Variants in HIVEP3 observed in about 807,000 individuals in gnomAD.
HIVEP3 encodes the protein transcription factor HIVEP3.
In HIVEP3, 49 loss-of-function variants were observed where a neutral mutation model predicts 152.8. The ratio of observed to expected loss-of-function variants is 0.32; its 90% CI spans 0.26 to 0.41. The LOEUF (loss-of-function observed/expected upper bound fraction) is 0.41. Among genes scored for constraint, HIVEP3 ranks in the 10% least tolerant of loss-of-function variants. HIVEP3 has a pLI of 1.00. For missense variants in HIVEP3, 2,790 were observed against 3,103.3 expected, an observed-to-expected ratio of 0.90 and a Z score of 2.40; for synonymous variants, 1,269 against 1,289.0, an observed-to-expected ratio of 0.98 and a Z score of 0.33.
intron 6 of HIVEP3, among the ~76,000 whole-genome samples, chr1:41,523,460 G>T (rs1215287846): frequency 6.6e-6 from 1 of 152,114 alleles, no homozygotes; most frequent in Non-Finnish European, 1.5e-5. Context: ...GCAGATGATG[G>T]CGAGGGGACA....
rs767780667 is a variant in HIVEP3, at chr1:41,511,021, G to A, written c.6651C>T (p.Pro2217=). 134 of 1,613,432 alleles carry A rather than the reference G, an allele frequency of 8.3e-5. No homozygotes were observed. The highest frequency in any genetic ancestry group is 1.1e-4 in the Non-Finnish European group (131 of 1,179,726). The part of the protein sequence containing the change: ...PGAHPTLLPG[P]TAAWVSGFSG... Reference sequence around the variant, plus strand: ...AGAAGCCACTGACCCAGGCTGCGGTGGGCCCTGGCAGCAGGGTGGGGTGGG... The same window carrying A: ...AGAAGCCACTGACCCAGGCTGCGGTAGGCCCTGGCAGCAGGGTGGGGTGGG... The change falls in exon 9 of 9, where the codon CCC becomes CCT. Residue 2217 remains proline, a synonymous_variant. Coordinates refer to ENST00000372583, the MANE Select transcript of HIVEP3 (RefSeq NM_024503.5). This position sits in a 1 kb window ranked among gnomAD's most constrained non-coding sequence, Gnocchi z 4.9.
At position 41,582,898 on chromosome 1, in the gene HIVEP3, T is replaced by C. The variant is rs1644438018; in HGVS notation, c.1900A>G (p.Lys634Glu). The C allele has an allele frequency of 6.2e-7, 1 of 1,614,046 alleles. No individual in the cohort carries two copies. The highest frequency in any genetic ancestry group is 1.1e-5 in the South Asian group (1 of 91,088). Residue 634 changes from lysine to glutamate, a missense_variant, in exon 4 of 9, where the codon AAG becomes GAG. Physicochemically the swap from Lys to Glu is moderately conservative, Grantham distance 56 (BLOSUM62 1). Transcript: ENST00000372583. The surrounding 1 kb of genome is among the most constrained non-coding windows in gnomAD (Gnocchi z 4.7). ...ATCACCCCTTTTGTTTTCAAACCCT[T>C]CTTGGTCTTTTTGGTAAGCTCGCTT... ...KESELTKKTK[K>E]GLKTKGVIYE...
intron 1 of HIVEP3, among the ~76,000 whole-genome samples, chr1:41,927,266 A>G (rs1300004241): frequency 2.6e-5 from 4 of 152,084 alleles, no homozygotes; most frequent in South Asian, 2.1e-4. Flanking sequence ...GAGCCACCCA[A>G]TCCTGCACTG....
chr1:41,704,324 A>G (rs949071003), intron 1 of HIVEP3, among the ~76,000 whole-genome samples: 1 of 152,248 alleles, frequency 6.6e-6, no homozygotes, highest in African/African-American at 2.4e-5. Context: ...AAAGGCTGCT[A>G]TGAAAAGGCA....
intron 2 of HIVEP3, among the ~76,000 whole-genome samples, chr1:41,632,413 A>G (rs1645208463): frequency 6.6e-6 from 1 of 152,182 alleles, no homozygotes; most frequent in Admixed American, 6.5e-5. Context: ...GAGAAAAAAG[A>G]AAGAGGATAT....
intron 1 of HIVEP3, among the ~76,000 whole-genome samples, chr1:41,781,300 A>C (rs1019244417): frequency 1.3e-5 from 2 of 152,170 alleles, no homozygotes; most frequent in African/African-American, 4.8e-5. Flanking sequence ...CCATGTTAGA[A>C]GCCTCAGAGT....
In HIVEP3 at chr1:41,929,724, TTTTATATA is replaced by T. The variant is rs1443506610; in HGVS notation, n.120-11208_120-11201del. ...TATGTGTGAGTGTGTGTATATGTGTTTTTATATATATATATATATATATATATATGTTT... is the reference window on the plus strand; with the variant it reads ...TATGTGTGAGTGTGTGTATATGTGTTTATATATATATATATATATATGTTT... On this transcript the variant is annotated intron_variant and non_coding_transcript_variant, in intron 1 of 3. Transcript: ENST00000489103. 7.5e-3 allele frequency among the ~76,000 whole-genome samples: 228 copies of T among 30,592 alleles called. 5 individuals carry two copies. The highest frequency in any genetic ancestry group is 0.017 in the Non-Finnish European group (128 of 7,678). 20.1% of individuals were successfully genotyped at this position (30,592 alleles called of 152,430 possible). A position where few individuals can be genotyped will look rare whatever the true frequency, so the allele number is the denominator to read the frequency against.
chr1:41,593,672 T>C (rs1021472860), intron 3 of HIVEP3, among the ~76,000 whole-genome samples: 1 of 152,252 alleles, frequency 6.6e-6, no homozygotes, highest in Non-Finnish European at 1.5e-5. Flanking sequence ...ATCTGGAATA[T>C]AAACTGTCTC....
intron 1 of HIVEP3, among the ~76,000 whole-genome samples, chr1:41,851,201 C>G (rs1257136043): frequency 6.6e-6 from 1 of 150,858 alleles, no homozygotes; most frequent in African/African-American, 2.4e-5. Flanking sequence ...TAGAACAGTG[C>G]TTGGGACACA....
intron 1 of HIVEP3, among the ~76,000 whole-genome samples, chr1:41,742,256 A>G (rs916867215): frequency 3.3e-5 from 5 of 152,072 alleles, no homozygotes; most frequent in African/African-American, 1.2e-4. Context: ...CCATCTGTCC[A>G]TTATTCCATC....
Position 41,700,974 on chromosome 1 carries a change from G to A in HIVEP3, c.-779C>T, listed in dbSNP as rs1369897860. ...ATGTGTCAGAGATTTCTAGAGCTTG[G>A]AGAACTGTGTTGGAGGGAGGCCTGT... On this transcript the variant is annotated 5_prime_UTR_variant, in exon 2 of 9. Transcript: ENST00000372583. 8 of 985,256 alleles carry A rather than the reference G, an allele frequency of 8.1e-6. No individual in the cohort carries two copies. The highest frequency in any genetic ancestry group is 1.1e-4 in the East Asian group (1 of 8,830). 61.0% of individuals were successfully genotyped at this position (985,256 alleles called of 1,614,324 possible). A position where few individuals can be genotyped will look rare whatever the true frequency, so the allele number is the denominator to read the frequency against.
rs770786148 is a variant in HIVEP3, at chr1:41,581,642, G to A, written c.3156C>T (p.Ser1052=). 3 of 1,614,174 alleles carry A rather than the reference G, an allele frequency of 1.9e-6. No homozygotes were observed. Among genetic ancestry groups the A allele is most frequent in the South Asian group, 2.2e-5 (2 of 91,082 alleles). The change falls in exon 4 of 9, where the codon AGC becomes AGT. Residue 1052 remains serine, a synonymous_variant. Coordinates refer to ENST00000372583, the MANE Select transcript of HIVEP3 (RefSeq NM_024503.5). This position sits in a 1 kb window ranked among gnomAD's most constrained non-coding sequence, Gnocchi z 4.5. ...CCTCCAACTCAGATTCTGGAGGCCT[G>A]CTCAGAGAGGCCTGTCTCACCAAGA... ...KCFLVRQASL[S]RPPESELEVA...
intron 5 of HIVEP3, among the ~76,000 whole-genome samples, chr1:41,527,319 TG>T (rs1451761600): frequency 6.3e-5 from 3 of 47,898 alleles, no homozygotes; most frequent in Non-Finnish European, 1.4e-4. Context: ...TTCACACCCC[TG>T]CACTCACACA....
intron 5 of HIVEP3, among the ~76,000 whole-genome samples, chr1:41,540,191 G>A (rs755841587): frequency 3.9e-5 from 6 of 152,236 alleles, no homozygotes; most frequent in African/African-American, 7.2e-5. Flanking sequence ...GACACTATGC[G>A]TACACCAGGT....
At chr1:41,867,534 C>T (rs562378358) in intron 1 of HIVEP3, among the ~76,000 whole-genome samples, 201 of 152,266 alleles carry the variant, frequency 1.3e-3, no homozygotes, top group African/African-American at 4.4e-3. Flanking sequence ...TCCAGCTGCA[C>T]GTGGCACCTG....
upstream of HIVEP3, among the ~76,000 whole-genome samples, chr1:41,923,685 T>A (rs534243413): frequency 7.2e-5 from 11 of 152,332 alleles, no homozygotes; most frequent in African/African-American, 2.6e-4. Flanking sequence ...TATGAGGTGA[T>A]TAATATGCTA....
chr1:42,035,514 G>C (rs1011631576), intron 1 of HIVEP3, among the ~76,000 whole-genome samples: 6 of 152,218 alleles, frequency 3.9e-5, no homozygotes, highest in African/African-American at 1.4e-4. Flanking sequence ...GTGGGGCCCG[G>C]GCTGAGGAGG....
intron 3 of HIVEP3, among the ~76,000 whole-genome samples, chr1:41,609,644 T>G (rs991237935): frequency 6.6e-6 from 1 of 152,258 alleles, no homozygotes; most frequent in African/African-American, 2.4e-5. Flanking sequence ...CCCACTAGTT[T>G]AGGCCCCACG....
intron 1 of HIVEP3, among the ~76,000 whole-genome samples, chr1:41,832,417 G>A (rs1558308124): frequency 6.6e-6 from 1 of 152,142 alleles, no homozygotes; most frequent in Non-Finnish European, 1.5e-5. Context: ...TATAGTCCCA[G>A]CTACTCGGGA....
Sources: allele counts gnomAD v4.1 joint callset (sites outside exome capture counted in the v4.1 genomes callset), GRCh38; gene constraint gnomAD v4.1.1; non-coding constraint Gnocchi (gnomAD v3.1); transcripts MANE v1.5; gene names NCBI Gene and HGNC (gene_info 2026-07-23, HGNC 2026-07-21).